MYO1E: variants seen among roughly 807,000 people sequenced by gnomAD.
MYO1E encodes the protein unconventional myosin-Ie.
In MYO1E, 68 loss-of-function variants were observed where a neutral mutation model predicts 151.1. That is an observed-to-expected ratio of 0.45 (90% CI 0.37 to 0.55). The LOEUF is 0.55. Ranked by LOEUF, MYO1E falls within the 20% of genes least tolerant of loss-of-function variation. The pLI, the probability that MYO1E is intolerant of heterozygous loss-of-function variation, is 0.00. For synonymous variants in MYO1E, 601 were observed against 501.7 expected, an observed-to-expected ratio of 1.20 and a Z score of -2.64; for missense variants, 1,363 against 1,389.3, an observed-to-expected ratio of 0.98 and a Z score of 0.30.
chr15:59,180,952 C>T (rs2079654888), intron 18 of MYO1E, among the ~76,000 whole-genome samples: 1 of 152,186 alleles, frequency 6.6e-6, no homozygotes, highest in African/African-American at 2.4e-5. Flanking sequence ...GCTCCTCTTT[C>T]TGCCTGGAAA....
intron 9 of MYO1E, among the ~76,000 whole-genome samples, chr15:59,220,896 C>T (rs182915804): frequency 7.3e-6 from 1 of 137,262 alleles, no homozygotes; most frequent in Admixed American, 7.7e-5. Context: ...TCGAGACCAG[C>T]CCTGGCAACT....
intron 1 of MYO1E, among the ~76,000 whole-genome samples, chr15:59,332,749 T>C (rs2080705371): frequency 6.6e-6 from 1 of 151,912 alleles, no homozygotes; most frequent in Admixed American, 6.6e-5. Context: ...AGAGACGAGG[T>C]CTCACTATGC....
At chr15:59,212,214 C>T (rs140861452) in intron 12 of MYO1E, among the ~76,000 whole-genome samples, 125 of 152,080 alleles carry the variant, frequency 8.2e-4, no homozygotes, top group African/African-American at 2.7e-3. Context: ...TGGAAACTAC[C>T]AAACCAGTTA....
intron 27 of MYO1E, among the ~76,000 whole-genome samples, chr15:59,137,915 A>G (rs551931564): frequency 3.5e-4 from 53 of 152,334 alleles, no homozygotes; most frequent in African/African-American, 1.2e-3. Flanking sequence ...GATGATGCAC[A>G]TTTCAGACAT....
intron 4 of MYO1E, among the ~76,000 whole-genome samples, chr15:59,250,339 C>A (rs1341044366): frequency 6.6e-6 from 1 of 152,142 alleles, no homozygotes; most frequent in African/African-American, 2.4e-5. Context: ...GTGGGCCAGG[C>A]AGGCGGTGCG....
intron 2 of MYO1E, among the ~76,000 whole-genome samples, chr15:59,271,594 C>A: frequency 6.6e-6 from 1 of 152,180 alleles, no homozygotes; most frequent in East Asian, 1.9e-4. Flanking sequence ...ATCAAATTTC[C>A]ATTCTGCATT....
chr15:59,179,403 A>G (rs796253744), intron 18 of MYO1E, among the ~76,000 whole-genome samples: 11 of 152,238 alleles, frequency 7.2e-5, no homozygotes, highest in African/African-American at 2.6e-4. Flanking sequence ...GCTCCAGGAG[A>G]CCGGATGCCA....
chr15:59,207,804 T>C (rs2079849218), intron 14 of MYO1E: 2 of 1,613,508 alleles, frequency 1.2e-6, no homozygotes, highest in Non-Finnish European at 1.7e-6. Context: ...CAACTGCCTA[T>C]GAGATTATTA....
At chr15:59,186,405 TA>T (rs71425847) in intron 18 of MYO1E, among the ~76,000 whole-genome samples, 31 of 142,084 alleles carry the variant, frequency 2.2e-4, no homozygotes, top group Admixed American at 1.9e-3. Context: ...ATCTGAATTT[TA>T]AAAAAAAAAA....
In MYO1E at chr15:59,236,369, TACACACACAC is replaced by T. The variant is rs56164138; in HGVS notation, c.420+206_420+215del. 0.092 allele frequency among the ~76,000 whole-genome samples: 10,789 copies of T among 117,604 alleles called. 819 individuals are homozygous for T. Among genetic ancestry groups the T allele is most frequent in the African/African-American group, 0.15 (4,763 of 30,878 alleles). The allele number at this position is 117,604 out of a possible 152,430, so 77.2% of individuals were successfully genotyped here. ...TCAAAAAAGAAAAAAAAAAAATATA[TACACACACAC>T]ACACACACACACACACACACACACA... On this transcript the variant is annotated intron_variant, in intron 5 of 27. Transcript: ENST00000288235.
chr15:59,302,396 G>A (rs1464518774), intron 1 of MYO1E, among the ~76,000 whole-genome samples: 1 of 152,180 alleles, frequency 6.6e-6, no homozygotes, highest in East Asian at 1.9e-4. Flanking sequence ...GCAGTGTGCT[G>A]GGTAGACAAG....
intron 1 of MYO1E, among the ~76,000 whole-genome samples, chr15:59,281,460 G>A (rs979479553): frequency 3.2e-4 from 49 of 151,964 alleles, no homozygotes; most frequent in African/African-American, 1.2e-3. Flanking sequence ...ATTTTTAGTA[G>A]AGACGGGTTT....
chr15:59,139,500 C>CCCA (rs1555406272), intron 26 of MYO1E, among the ~76,000 whole-genome samples: 1 of 137,804 alleles, frequency 7.3e-6, no homozygotes, highest in Admixed American at 7.6e-5. Context: ...TTCCCACCCC[C>CCCA]TTATTACTCT....
intron 1 of MYO1E, among the ~76,000 whole-genome samples, chr15:59,273,027 G>A (rs776224832): frequency 1.1e-4 from 16 of 152,176 alleles, no homozygotes; most frequent in Non-Finnish European, 1.5e-4. Context: ...ACTGTCATAC[G>A]TGTAATACTG....
At chr15:59,370,688 T>C (rs951186244) in intron 1 of MYO1E, among the ~76,000 whole-genome samples, 1 of 152,212 alleles carries the variant, frequency 6.6e-6, no homozygotes, top group East Asian at 1.9e-4. Flanking sequence ...GAATTAAGCA[T>C]GGTATCACAG....
At position 59,355,719 on chromosome 15, in the gene MYO1E, A is replaced by C. The variant is rs1218758639; in HGVS notation, c.3+16779T>G. Reference sequence around the variant, plus strand: ...CTTTTTCCATCTCTTGTATTTGCCTATTTCTTTTTTTTTTGAGACAGGCTC... The same window carrying C: ...CTTTTTCCATCTCTTGTATTTGCCTCTTTCTTTTTTTTTTGAGACAGGCTC... On this transcript the variant is annotated intron_variant, in intron 1 of 27. Coordinates refer to ENST00000288235, the MANE Select transcript of MYO1E (RefSeq NM_004998.4). 5.0e-5 allele frequency among the ~76,000 whole-genome samples: 3 copies of C among 60,356 alleles called. No homozygotes were observed. In the East Asian group the frequency reaches 1.1e-3, roughly 23 times the overall value. 39.6% of individuals were successfully genotyped at this position (60,356 alleles called of 152,430 possible).
Position 59,328,415 on chromosome 15 carries a change from T to C in MYO1E, c.3+44083A>G, listed in dbSNP as rs146087639. 7.2e-4 allele frequency among the ~76,000 whole-genome samples: 110 copies of C among 152,058 alleles called. 3 individuals carry two copies. The highest frequency in any genetic ancestry group is 6.8e-3 in the Middle Eastern group (2 of 294). On this transcript the variant is annotated intron_variant, in intron 1 of 27. Coordinates refer to ENST00000288235, the MANE Select transcript of MYO1E (RefSeq NM_004998.4). ...TTGGGGTGGCAAATTGACCAGACAA[T>C]GAACTTTCTGGCCCCTCTCCCAATA... is the stretch of plus-strand genomic sequence containing the variant.
chr15:59,274,896 C>T (rs1202832797), intron 1 of MYO1E, among the ~76,000 whole-genome samples: 1 of 152,132 alleles, frequency 6.6e-6, no homozygotes, highest in Admixed American at 6.5e-5. Context: ...ATTCCTAGCC[C>T]CAGTCTCTAA....
At chr15:59,146,093 C>T (rs1481076090) in intron 26 of MYO1E, among the ~76,000 whole-genome samples, 1 of 152,154 alleles carries the variant, frequency 6.6e-6, no homozygotes, top group Non-Finnish European at 1.5e-5. Flanking sequence ...GATCATACCT[C>T]ACTGCAGTCT....
Sources: allele counts gnomAD v4.1 joint callset (sites outside exome capture counted in the v4.1 genomes callset), GRCh38; gene constraint gnomAD v4.1.1; transcripts MANE v1.5; gene names NCBI Gene and HGNC (gene_info 2026-07-23, HGNC 2026-07-21).